The following CDH12 variants were observed in gnomAD, a reference collection of about 807,000 sequenced individuals.
CDH12 encodes the protein cadherin-12.
In CDH12, 41 loss-of-function variants were observed where a neutral mutation model predicts 74.1. That is an observed-to-expected ratio of 0.55 (90% CI 0.43 to 0.72). CDH12 has a LOEUF of 0.72. Among genes scored for constraint, CDH12 ranks in the 30% least tolerant of loss-of-function variants. The pLI is 0.00. For synonymous variants in CDH12, 399 were observed against 355.0 expected (o/e 1.12, Z -1.39); for missense variants, 945 against 977.2 (o/e 0.97, Z 0.44).
intron 1 of CDH12, among the ~76,000 whole-genome samples, chr5:22,559,773 T>C (rs1738961968): frequency 6.6e-6 from 1 of 152,158 alleles, no homozygotes; most frequent in Non-Finnish European, 1.5e-5. Flanking sequence ...TATCTTATTA[T>C]AGTTTCTGGC....
At chr5:22,537,806 T>C (rs1453104610) in intron 1 of CDH12, among the ~76,000 whole-genome samples, 1 of 152,262 alleles carries the variant, frequency 6.6e-6, no homozygotes, top group Non-Finnish European at 1.5e-5. Context: ...TGTGACTGTT[T>C]AGCCACTTTT....
chr5:22,541,788 T>C (rs917529118), intron 1 of CDH12, among the ~76,000 whole-genome samples: 1 of 152,142 alleles, frequency 6.6e-6, no homozygotes, highest in East Asian at 1.9e-4. Context: ...TAAATGACAA[T>C]GAGTAAAACT....
intron 3 of CDH12, among the ~76,000 whole-genome samples, chr5:22,249,873 A>AT (rs59532754): frequency 0.98 from 148,689 of 152,244 alleles, 72,698 homozygotes; most frequent in Non-Finnish European, 1. Context: ...TTATTCACTC[A>AT]TTTTTGTGTT....
rs555680393 is a variant in CDH12 at position 22,744,256 on chromosome 5, C to G, written c.-523+108802G>C. Among the ~76,000 whole-genome samples the G allele has an allele frequency of 2.0e-3, 310 of 151,986 alleles. 1 individual carries two copies. Among genetic ancestry groups the G allele is most frequent in the African/African-American group, 7.0e-3 (292 of 41,460 alleles). ...CATCCTGGCTAACATGGTGAAACCCCGTCTCTACTAAAAATACAAAAAATT... is the reference window on the plus strand; with the variant it reads ...CATCCTGGCTAACATGGTGAAACCCGGTCTCTACTAAAAATACAAAAAATT... On this transcript the variant is annotated intron_variant, in intron 1 of 14. Coordinates refer to ENST00000382254, the MANE Select transcript of CDH12 (RefSeq NM_004061.5).
chr5:22,111,837 A>G (rs1344326824), intron 4 of CDH12, among the ~76,000 whole-genome samples: 1 of 152,216 alleles, frequency 6.6e-6, no homozygotes, highest in East Asian at 1.9e-4. Flanking sequence ...AAATGCATGT[A>G]TACATACACG....
intron 3 of CDH12, among the ~76,000 whole-genome samples, chr5:22,252,684 C>T (rs755440071): frequency 1.5e-4 from 23 of 152,076 alleles, no homozygotes; most frequent in South Asian, 1.0e-3. Flanking sequence ...ACTGCAACAG[C>T]GTGATATATA....
intron 1 of CDH12, among the ~76,000 whole-genome samples, chr5:22,785,869 G>T (rs868067312): frequency 6.6e-6 from 1 of 152,034 alleles, no homozygotes; most frequent in South Asian, 2.1e-4. Flanking sequence ...ACTGTTTTAG[G>T]GGGTGTAAAT....
At chr5:22,833,942 C>T (rs1215737714) in intron 1 of CDH12, among the ~76,000 whole-genome samples, 2 of 152,082 alleles carry the variant, frequency 1.3e-5, no homozygotes, top group Non-Finnish European at 2.9e-5. Context: ...ATGCAACAGT[C>T]CTCTTTAGCT....
intron 1 of CDH12, among the ~76,000 whole-genome samples, chr5:22,656,403 G>A (rs1440333015): frequency 1.3e-5 from 2 of 152,124 alleles, no homozygotes; most frequent in Non-Finnish European, 2.9e-5. Context: ...TGGCTAGTAA[G>A]AATATGAATA....
At chr5:22,733,181 C>A (rs978839513) in intron 1 of CDH12, among the ~76,000 whole-genome samples, 2 of 151,774 alleles carry the variant, frequency 1.3e-5, no homozygotes, top group Non-Finnish European at 2.9e-5. Context: ...TTATTCCTAT[C>A]TGAGTTATTC....
At chr5:22,795,107 T>G (rs562936546) in intron 1 of CDH12, among the ~76,000 whole-genome samples, 1 of 152,310 alleles carries the variant, frequency 6.6e-6, no homozygotes, top group East Asian at 1.9e-4. Flanking sequence ...TCTTTACAGT[T>G]ATTCAAACAA....
At chr5:22,622,874 G>T (rs1453565294) in intron 1 of CDH12, among the ~76,000 whole-genome samples, 3 of 152,082 alleles carry the variant, frequency 2.0e-5, no homozygotes, top group African/African-American at 7.2e-5. Context: ...CAAAAAAAGA[G>T]AATTTTAGAC....
chr5:21,873,695 C>T (rs548360192), intron 6 of CDH12, among the ~76,000 whole-genome samples: 238 of 152,264 alleles, frequency 1.6e-3, no homozygotes, highest in Middle Eastern at 6.8e-3. Context: ...CATAGGTAAA[C>T]GTGTGCCATG....
chr5:22,651,334 A>G (rs1384824350), intron 1 of CDH12, among the ~76,000 whole-genome samples: 1 of 152,064 alleles, frequency 6.6e-6, no homozygotes, highest in Non-Finnish European at 1.5e-5. Context: ...ACTCCCCAAG[A>G]TTGGGCAATT....
intron 5 of CDH12, among the ~76,000 whole-genome samples, chr5:22,039,814 C>G (rs1024263726): frequency 4.6e-5 from 7 of 151,766 alleles, no homozygotes; most frequent in Non-Finnish European, 8.8e-5. Context: ...CAAGACTGAT[C>G]TAAAAGTGAA....
chr5:21,798,249 ATGTGTGTGTGTGTGTGTG>A (rs55704091), intron 10 of CDH12, among the ~76,000 whole-genome samples: 7 of 148,782 alleles, frequency 4.7e-5, no homozygotes, highest in Non-Finnish European at 7.4e-5. Context: ...GTATATGTGG[ATGTGTGTGTGTGTGTGTG>A]TGTGTGTGTG....
chr5:21,956,691 C>G (rs1756115442), intron 6 of CDH12, among the ~76,000 whole-genome samples: 2 of 152,016 alleles, frequency 1.3e-5, no homozygotes, highest in African/African-American at 2.4e-5. Flanking sequence ...GTGTTTATAT[C>G]ATTTCATAGA....
At chr5:22,248,375 T>G (rs903469683) in intron 3 of CDH12, among the ~76,000 whole-genome samples, 4 of 152,070 alleles carry the variant, frequency 2.6e-5, no homozygotes, top group African/African-American at 9.7e-5. Context: ...ATTATTAATA[T>G]TTTACACTAT....
At chr5:22,425,928 C>T (rs1237327518) in intron 2 of CDH12, among the ~76,000 whole-genome samples, 2 of 151,986 alleles carry the variant, frequency 1.3e-5, no homozygotes, top group Non-Finnish European at 2.9e-5. Context: ...GCATACCATG[C>T]CATCCAGTGC....
Sources: gnomAD v4.1 joint callset for allele counts (sites outside exome capture counted in the v4.1 genomes callset) on GRCh38, gnomAD v4.1.1 for gene constraint, MANE v1.5 for transcripts, NCBI Gene and HGNC (gene_info 2026-07-23, HGNC 2026-07-21) for gene names.